The following NCAPH variants were observed in gnomAD, a reference collection of about 807,000 sequenced individuals.
NCAPH encodes the protein non-SMC condensin I complex subunit H.
In NCAPH, 38 loss-of-function variants were observed where a neutral mutation model predicts 85.5. That is an observed-to-expected ratio of 0.44 (90% CI 0.34 to 0.58). The LOEUF (loss-of-function observed/expected upper bound fraction) is 0.58, where lower values mean the gene tolerates loss of function less well. Among genes scored for constraint, NCAPH ranks in the 20% least tolerant of loss-of-function variants. NCAPH has a pLI of 0.01. For synonymous variants in NCAPH, 301 were observed against 335.1 expected (o/e 0.90, Z 1.11); for missense variants, 789 against 916.6 (o/e 0.86, Z 1.80).
rs1200942072 is a variant in NCAPH, at chr2:96,363,225, T to TA, written c.1588-1256_1588-1255insA. On this transcript the variant is annotated intron_variant, in intron 12 of 17. Transcript: ENST00000240423. ...ATATTTTTAATTAAGGTATGTAAAT[T>TA]GTTTTTTAGACATATACTGTTGCAC... 1.4e-4 allele frequency among the ~76,000 whole-genome samples: 21 copies of TA among 152,356 alleles called. No individual in the cohort carries two copies. The Middle Eastern group carries it at 0.014, about 99-fold the overall frequency.
chr2:96,335,992 G>A (rs1483247014), intron 1 of NCAPH, 144 bp downstream of exon 1: 1 of 837,450 alleles, frequency 1.2e-6, no homozygotes, highest in Non-Finnish European at 1.7e-6. Flanking sequence ...AGCAGAGGCC[G>A]GTGCGGGGGG....
At chr2:96,335,965 T>A in intron 1 of NCAPH, 117 bp downstream of exon 1, 1 of 1,164,494 alleles carries the variant, frequency 8.6e-7, no homozygotes, top group Non-Finnish European at 1.1e-6. Context: ...AGCTCGGGTC[T>A]TGGCCCTGCG....
In NCAPH at chr2:96,375,545, A is replaced by G. The variant is rs2064823151; in HGVS notation, c.*2194A>G. 6.6e-6 allele frequency among the ~76,000 whole-genome samples: 1 copy of G among 152,228 alleles called. No homozygotes were observed. The highest frequency in any genetic ancestry group is 2.4e-5 in the African/African-American group (1 of 41,458). On this transcript the variant is annotated 3_prime_UTR_variant, in exon 18 of 18. Coordinates refer to ENST00000240423, the MANE Select transcript of NCAPH (RefSeq NM_015341.5). ...AGCAAGGAGCCCCTCACCAGACAGC[A>G]AATCTGCCGGCGTCTTGATCTTGGA...
chr2:96,359,321 C>A, intron 10 of NCAPH, 128 bp downstream of exon 10: 1 of 1,171,674 alleles, frequency 8.5e-7, no homozygotes, highest in African/African-American at 1.5e-5. Context: ...AGGAAGCATA[C>A]AGATGAGCCA....
At chr2:96,343,344 G>A in intron 5 of NCAPH, 40 bp downstream of exon 5, 1 of 1,575,910 alleles carries the variant, frequency 6.3e-7, no homozygotes, top group Non-Finnish European at 8.6e-7. Context: ...GCTCTTTTTA[G>A]GGCATACCAG....
At chr2:96,362,025 T>C (rs771367027) in intron 12 of NCAPH, among the ~76,000 whole-genome samples, 2 of 151,650 alleles carry the variant, frequency 1.3e-5, no homozygotes, top group Non-Finnish European at 2.9e-5. Context: ...ATTACAGGCG[T>C]GAGCCGTTAC....
In NCAPH at chr2:96,373,501, C is replaced by G; in HGVS notation, c.*150C>G. On this transcript the variant is annotated 3_prime_UTR_variant, in exon 18 of 18. Coordinates refer to ENST00000240423, the MANE Select transcript of NCAPH (RefSeq NM_015341.5). ...TGTTTGTTTGTTGCTCTTTCCTTCT[C>G]TCCATCATAGTCTGGGTGCCAGCGC... 2 of 715,278 alleles carry G rather than the reference C, an allele frequency of 2.8e-6. No homozygotes were observed. Among genetic ancestry groups the G allele is most frequent in the Non-Finnish European group, 4.8e-6 (2 of 417,864 alleles). 44.3% of individuals were successfully genotyped at this position (715,278 alleles called of 1,614,324 possible).
At chr2:96,359,241 C>T in intron 10 of NCAPH, 48 bp downstream of exon 10, 2 of 1,600,938 alleles carry the variant, frequency 1.2e-6, no homozygotes, top group Non-Finnish European at 1.7e-6. Context: ...GTGTAGATGA[C>T]CAGCCAGTCA....
At chr2:96,348,229 G>A (rs1173527420) in intron 6 of NCAPH, among the ~76,000 whole-genome samples, 1 of 143,820 alleles carries the variant, frequency 7.0e-6, no homozygotes, top group Non-Finnish European at 1.5e-5. Context: ...TTGCTCCGTC[G>A]CCCAGGCTGG....
chr2:96,372,684 C>G (rs553815781), intron 17 of NCAPH, among the ~76,000 whole-genome samples: 299 of 152,254 alleles, frequency 2.0e-3, no homozygotes, highest in Non-Finnish European at 3.1e-3. Context: ...GTTCCCAGGT[C>G]AACTGTTGGT....
In NCAPH at chr2:96,351,953, G is replaced by T; in HGVS notation, c.843G>T (p.Gln281His). 1.2e-6 allele frequency: 2 copies of T among 1,614,206 alleles called. No individual in the cohort carries two copies. Among genetic ancestry groups the T allele is most frequent in the South Asian group, 1.1e-5 (1 of 91,088 alleles). ...AACTGCTGTTTCCCTCTGATGTCCAGACTCTCTCCACGGGAGAACCTCTCG... is the reference window on the plus strand; with the variant it reads ...AACTGCTGTTTCCCTCTGATGTCCATACTCTCTCCACGGGAGAACCTCTCG... ...RSELLFPSDV[Q>H]TLSTGEPLEL... The change falls in exon 7 of 18, where the codon CAG becomes CAT. Residue 281 changes from glutamine (Q) to histidine (H), a missense_variant. Physicochemically the swap from Gln to His is conservative, Grantham distance 24. Coordinates refer to ENST00000240423, the MANE Select transcript of NCAPH (RefSeq NM_015341.5).
intron 10 of NCAPH, chr2:96,359,456 T>C (rs1446303573): frequency 4.3e-6 from 2 of 460,652 alleles, no homozygotes; most frequent in Non-Finnish European, 3.9e-6. Context: ...TGCTCCCTAG[T>C]ATCCACATGA....
rs146677983 is a variant in NCAPH at position 96,339,647 on chromosome 2, C to T, written c.20-1995C>T. Among the ~76,000 whole-genome samples, 252 of 151,784 alleles carry T rather than the reference C, an allele frequency of 1.7e-3. 1 individual carries two copies. Among genetic ancestry groups the T allele is most frequent in the African/African-American group, 5.9e-3 (245 of 41,452 alleles). ...AACACCTTGTCATCGTTTGCTGTCT[C>T]CAGTTTCTCTTCTCCCATCTTCACT... On this transcript the variant is annotated intron_variant, in intron 1 of 17. Coordinates refer to ENST00000240423, the MANE Select transcript of NCAPH (RefSeq NM_015341.5).
chr2:96,368,830 G>A (rs1303075731), intron 15 of NCAPH, 142 bp from the exon 16 acceptor site: 1 of 678,604 alleles, frequency 1.5e-6, no homozygotes, highest in South Asian at 1.9e-5. Context: ...TCTCTTTGTA[G>A]ATCCTTTTTC....
Position 96,375,846 on chromosome 2 carries a change from C to T in NCAPH, c.*2495C>T, listed in dbSNP as rs1044939771. On this transcript the variant is annotated 3_prime_UTR_variant, in exon 18 of 18. Transcript: ENST00000240423. ...ATAGTCTAAGCAGCAGGACGAAGGA[C>T]TGGGGGAAAAGAGAACTGCTGCTCC... is the stretch of plus-strand genomic sequence containing the variant. 6.6e-6 allele frequency among the ~76,000 whole-genome samples: 1 copy of T among 152,048 alleles called. No individual in the cohort carries two copies. Among genetic ancestry groups the T allele is most frequent in the Non-Finnish European group, 1.5e-5 (1 of 68,014 alleles).
chr2:96,353,588 A>G (rs1318139486), intron 8 of NCAPH, among the ~76,000 whole-genome samples, 191 bp downstream of exon 8: 7 of 152,180 alleles, frequency 4.6e-5, no homozygotes, highest in African/African-American at 1.7e-4. Flanking sequence ...GGACTATTCT[A>G]GAGGTAAGTG....
intron 1 of NCAPH, 36 bp downstream of exon 1, chr2:96,335,884 C>T: frequency 1.4e-6 from 2 of 1,441,418 alleles, no homozygotes; most frequent in Non-Finnish European, 1.8e-6. Flanking sequence ...GCGGGAAGGG[C>T]CCCTAGCGAA....
intron 13 of NCAPH, among the ~76,000 whole-genome samples, chr2:96,365,613 G>T (rs192043344): frequency 6.6e-6 from 1 of 152,248 alleles, no homozygotes; most frequent in Non-Finnish European, 1.5e-5. Context: ...GAAGCTGAAG[G>T]GGGGACATAG....
At chr2:96,361,017 T>C (rs1464147718) in intron 12 of NCAPH, among the ~76,000 whole-genome samples, 2 of 151,810 alleles carry the variant, frequency 1.3e-5, no homozygotes, top group Admixed American at 1.3e-4. Flanking sequence ...TTTTAAGTTA[T>C]TTCTTGATTC....
Sources: gnomAD v4.1 joint callset for allele counts (sites outside exome capture counted in the v4.1 genomes callset) on GRCh38, gnomAD v4.1.1 for gene constraint, MANE v1.5 for transcripts, NCBI Gene and HGNC (gene_info 2026-07-23, HGNC 2026-07-21) for gene names.